The following CBFA2T2 variants were observed in gnomAD, a reference collection of about 807,000 sequenced individuals.
CBFA2T2 encodes CBFA2/RUNX1 partner transcriptional co-repressor 2, also known as protein CBFA2T2.
A neutral mutation model predicts 62.2 loss-of-function variants in CBFA2T2; 11 were observed. The observed-to-expected ratio is 0.18, with a 90% CI of 0.11 to 0.29. The LOEUF is 0.29. Among genes scored for constraint, CBFA2T2 ranks in the 10% least tolerant of loss-of-function variants. The pLI, the probability that CBFA2T2 is intolerant of heterozygous loss-of-function variation, is 1.00. For synonymous variants in CBFA2T2, 295 were observed against 287.5 expected (o/e 1.03, Z -0.27); for missense variants, 592 against 774.1 (o/e 0.76, Z 2.79).
At chr20:33,492,397 A>G (rs538065100) in intron 1 of CBFA2T2, among the ~76,000 whole-genome samples, 1 of 145,182 alleles carries the variant, frequency 6.9e-6, no homozygotes, top group African/African-American at 2.5e-5. Flanking sequence ...TTACTTCCAT[A>G]ATAAACTTGC....
At chr20:33,631,079 C>A (rs932316661) in intron 8 of CBFA2T2, among the ~76,000 whole-genome samples, 7 of 152,218 alleles carry the variant, frequency 4.6e-5, no homozygotes, top group African/African-American at 1.7e-4. Flanking sequence ...CTTTCGGAGG[C>A]TGAGGTGGGC....
At chr20:33,490,432 T>G in intron 1 of CBFA2T2, 131 bp downstream of exon 1, 6 of 963,906 alleles carry the variant, frequency 6.2e-6, no homozygotes, top group Non-Finnish European at 8.0e-6. Context: ...GGGCGGCGGA[T>G]CCAAGGTCAC....
At chr20:33,579,498 A>G (rs2014006071) in intron 1 of CBFA2T2, among the ~76,000 whole-genome samples, 1 of 149,316 alleles carries the variant, frequency 6.7e-6, no homozygotes, top group Admixed American at 6.7e-5. Context: ...ATATTCTCCT[A>G]TTCTTTTTGT....
intron 1 of CBFA2T2, among the ~76,000 whole-genome samples, chr20:33,525,048 C>T (rs965161029): frequency 6.6e-6 from 1 of 152,186 alleles, no homozygotes; most frequent in African/African-American, 2.4e-5. Flanking sequence ...GTTGTCCAGG[C>T]TGGTCTTGAA....
chr20:33,609,136 G>A (rs890665751), intron 2 of CBFA2T2, among the ~76,000 whole-genome samples: 2 of 152,064 alleles, frequency 1.3e-5, no homozygotes, highest in Admixed American at 6.6e-5. Context: ...CTTAATTAAA[G>A]TATGCACATA....
chr20:33,644,313 C>T (rs1182396468), intron 10 of CBFA2T2, 34 bp from the exon 11 acceptor site: 1 of 1,585,954 alleles, frequency 6.3e-7, no homozygotes, highest in South Asian at 1.2e-5. Context: ...CCCCTCAATC[C>T]CAGCAACCAC....
intron 8 of CBFA2T2, among the ~76,000 whole-genome samples, chr20:33,634,423 G>T (rs1198930254): frequency 6.6e-6 from 1 of 152,084 alleles, no homozygotes; most frequent in Admixed American, 6.5e-5. Flanking sequence ...AGTAATCCCA[G>T]CACTTTGAGA....
intron 6 of CBFA2T2, among the ~76,000 whole-genome samples, chr20:33,626,087 G>A (rs2016213654): frequency 6.6e-6 from 1 of 151,898 alleles, no homozygotes; most frequent in Admixed American, 6.6e-5. Flanking sequence ...GGGCAACAGA[G>A]CAAGACTCCG....
intron 1 of CBFA2T2, among the ~76,000 whole-genome samples, chr20:33,531,091 T>TAAAC (rs374105136): frequency 5.9e-5 from 9 of 152,066 alleles, no homozygotes; most frequent in South Asian, 4.1e-4. Flanking sequence ...TCTAAATAAA[T>TAAAC]AAACAAACAA....
chr20:33,492,858 C>T (rs1032714303), intron 1 of CBFA2T2, among the ~76,000 whole-genome samples: 2 of 151,896 alleles, frequency 1.3e-5, no homozygotes, highest in African/African-American at 4.8e-5. Flanking sequence ...CTAGACAGTA[C>T]ACTTGGTGTA....
chr20:33,497,680 G>C (rs1036828573), intron 1 of CBFA2T2, among the ~76,000 whole-genome samples: 1 of 151,242 alleles, frequency 6.6e-6, no homozygotes, highest in African/African-American at 2.4e-5. Flanking sequence ...CTCCCGAGTA[G>C]CAGGGACTAC....
chr20:33,611,518 TTTC>T (rs2015528077), intron 3 of CBFA2T2, among the ~76,000 whole-genome samples, 183 bp downstream of exon 3: 1 of 152,130 alleles, frequency 6.6e-6, no homozygotes, highest in Admixed American at 6.5e-5. Flanking sequence ...TTTCTTTTCT[TTTC>T]TTCTTTCTTT....
At chr20:33,544,532 T>C (rs950566106) in intron 1 of CBFA2T2, among the ~76,000 whole-genome samples, 3 of 152,108 alleles carry the variant, frequency 2.0e-5, no homozygotes, top group African/African-American at 7.2e-5. Context: ...ATTTGATTTA[T>C]TTTTATTTTT....
intron 1 of CBFA2T2, among the ~76,000 whole-genome samples, chr20:33,502,293 A>T (rs2011299136): frequency 6.6e-6 from 1 of 152,080 alleles, no homozygotes; most frequent in African/African-American, 2.4e-5. Context: ...GGCCAGGGAG[A>T]TCCCCTTCAA....
At chr20:33,549,974 C>T (rs2012692734) in intron 1 of CBFA2T2, among the ~76,000 whole-genome samples, 3 of 150,260 alleles carry the variant, frequency 2.0e-5, no homozygotes, top group South Asian at 4.2e-4. Flanking sequence ...ACATCAAAGA[C>T]AGCATCCTTC....
At position 33,574,100 on chromosome 20, in the gene CBFA2T2, T is replaced by C. The variant is rs953322996; in HGVS notation, c.35-32856T>C. 5.8e-6 allele frequency: 9 copies of C among 1,544,222 alleles called. No individual in the cohort carries two copies. In the African/African-American group the frequency reaches 1.2e-4, roughly 21 times the overall value. On this transcript the variant is annotated intron_variant, in intron 1 of 10. Transcript: ENST00000342704. ...CACCATACCAGTTCCTGTCTAGATA[T>C]TATGATGAAGATTGAGGATGGTAGT... is the stretch of plus-strand genomic sequence containing the variant.
At chr20:33,563,924 A>ATATT (rs767966349) in intron 1 of CBFA2T2, among the ~76,000 whole-genome samples, 5 of 152,054 alleles carry the variant, frequency 3.3e-5, no homozygotes, top group African/African-American at 4.8e-5. Flanking sequence ...GTTCTATGCT[A>ATATT]TATTTGCCAA....
intron 1 of CBFA2T2, among the ~76,000 whole-genome samples, chr20:33,516,303 C>T (rs1270920734): frequency 6.6e-6 from 1 of 151,300 alleles, no homozygotes; most frequent in Non-Finnish European, 1.5e-5. Flanking sequence ...AACCCCATCT[C>T]TACTAAAAAT....
At chr20:33,556,209 C>G (rs79217892) in intron 1 of CBFA2T2, among the ~76,000 whole-genome samples, 5,301 of 152,262 alleles carry the variant, frequency 0.035, 149 homozygotes, top group Admixed American at 0.056. Flanking sequence ...TGCCTGCCTC[C>G]TCTTCTCCCC....
Sources: allele counts gnomAD v4.1 joint callset (sites outside exome capture counted in the v4.1 genomes callset), GRCh38; gene constraint gnomAD v4.1.1; transcripts MANE v1.5; gene names NCBI Gene and HGNC (gene_info 2026-07-23, HGNC 2026-07-21).